MDM4: variants seen among roughly 807,000 people sequenced by gnomAD.
MDM4 encodes the protein protein Mdm4.
MDM4 carries 2 observed loss-of-function variants against 60.2 expected under a neutral mutation model. The observed-to-expected ratio is 0.03, with a 90% CI of 0.01 to 0.10. The LOEUF (loss-of-function observed/expected upper bound fraction) is 0.10. Among genes scored for constraint, MDM4 ranks in the 10% least tolerant of loss-of-function variants. The pLI is 1.00. For synonymous variants in MDM4, 202 were observed against 198.1 expected (o/e 1.02, Z -0.17); for missense variants, 447 against 577.5 (o/e 0.77, Z 2.32).
At chr1:204,533,118 CT>C (rs1490038124) in intron 5 of MDM4, among the ~76,000 whole-genome samples, 1 of 152,160 alleles carries the variant, frequency 6.6e-6, no homozygotes, top group Non-Finnish European at 1.5e-5. Flanking sequence ...TTGTCTAACC[CT>C]TTGCTTGATT....
intron 1 of MDM4, among the ~76,000 whole-genome samples, chr1:204,524,281 C>T (rs554477070): frequency 2.6e-5 from 4 of 152,216 alleles, no homozygotes; most frequent in South Asian, 4.1e-4. Context: ...TTATTAAATC[C>T]TACATCTCAA....
intron 1 of MDM4, among the ~76,000 whole-genome samples, chr1:204,518,434 G>GGATTTGACTTA: frequency 6.6e-6 from 1 of 152,152 alleles, no homozygotes; most frequent in Non-Finnish European, 1.5e-5. Flanking sequence ...GAACACCTAC[G>GGATTTGACTTA]TTCTGGATTT....
chr1:204,530,163 A>C lies in MDM4; in HGVS notation c.154-521A>C, dbSNP rs1158800749. ...AGTGCTGGGATTACAGGTGTGAACC[A>C]CTTCAGCCGACTAAATTTTTATTTG... On this transcript the variant is annotated intron_variant, in intron 3 of 10. Coordinates refer to ENST00000367182, the MANE Select transcript of MDM4 (RefSeq NM_002393.5). Among the ~76,000 whole-genome samples the C allele has an allele frequency of 2.6e-5, 4 of 152,220 alleles. No individual in the cohort carries two copies. The South Asian group carries it at 8.3e-4, about 31-fold the overall frequency.
Position 204,554,655 on chromosome 1 carries a change from T to C in MDM4, c.*4973T>C, listed in dbSNP as rs1010678082. The stretch of plus-strand genomic sequence containing the variant: ...AGATGAGGGGGAATATTGAGGCCCC[T>C]AAGGCTAAACAAAATAATCAGTATC... On this transcript the variant is annotated 3_prime_UTR_variant, in exon 11 of 11. Transcript: ENST00000367182. 4.4e-6 allele frequency: 1 copy of C among 227,538 alleles called. No homozygotes were observed. Among genetic ancestry groups the C allele is most frequent in the African/African-American group, 2.2e-5 (1 of 45,076 alleles). 14.1% of individuals were successfully genotyped at this position (227,538 alleles called of 1,614,324 possible).
At chr1:204,520,094 G>A (rs1386644287) in intron 1 of MDM4, among the ~76,000 whole-genome samples, 3 of 152,018 alleles carry the variant, frequency 2.0e-5, no homozygotes, top group African/African-American at 7.2e-5. Context: ...TGGCTAACAT[G>A]GTGAAACCCC....
chr1:204,519,072 G>C lies in MDM4; in HGVS notation c.-36+2563G>C, dbSNP rs146986941. On this transcript the variant is annotated intron_variant, in intron 1 of 10. Coordinates refer to ENST00000367182, the MANE Select transcript of MDM4 (RefSeq NM_002393.5). ...AGTGCTCCAAATGAAGGGACGATTT[G>C]TGCAAAGGCCCTGTTTGAGAAACTA... 3.1e-3 allele frequency among the ~76,000 whole-genome samples: 475 copies of C among 152,292 alleles called. 3 individuals are homozygous for C. The highest frequency in any genetic ancestry group is 0.011 in the African/African-American group (444 of 41,570).
At chr1:204,546,413 G>C (rs1662667923) in intron 9 of MDM4, among the ~76,000 whole-genome samples, 1 of 151,964 alleles carries the variant, frequency 6.6e-6, no homozygotes, top group South Asian at 2.1e-4. Context: ...CTGTTGCCTA[G>C]GCCAGTTTCA....
intron 1 of MDM4, among the ~76,000 whole-genome samples, chr1:204,518,669 C>T (rs930773854): frequency 2.6e-4 from 39 of 152,266 alleles, no homozygotes; most frequent in African/African-American, 6.7e-4. Context: ...CTTTCCACCC[C>T]AACCTTTCAC....
intron 10 of MDM4, 110 bp downstream of exon 10, chr1:204,546,987 C>A: frequency 1.7e-6 from 1 of 588,556 alleles, no homozygotes. Flanking sequence ...TTCTGTCTCC[C>A]TTGCCTAGTT....
chr1:204,545,398 TGAA>T (rs752935338), intron 9 of MDM4, among the ~76,000 whole-genome samples: 2 of 152,204 alleles, frequency 1.3e-5, no homozygotes, highest in Non-Finnish European at 2.9e-5. Context: ...CATGTACAGA[TGAA>T]GAGTCATACA....
chr1:204,550,687 A>AGT lies in MDM4; in HGVS notation c.*1005_*1006insGT, dbSNP rs1303744439. 6 of 166,636 alleles carry AGT rather than the reference A, an allele frequency of 3.6e-5. No individual in the cohort carries two copies. Among genetic ancestry groups the AGT allele is most frequent in the African/African-American group, 1.4e-4 (5 of 35,308 alleles). 10.3% of individuals were successfully genotyped at this position (166,636 alleles called of 1,614,324 possible). On this transcript the variant is annotated 3_prime_UTR_variant, in exon 11 of 11. Transcript: ENST00000367182. ...GCCTCAGCTTCCCTCACAGGCATTCACTATCACTCCCAGCTAATTAAAATA... is the reference window on the plus strand; with the variant it reads ...GCCTCAGCTTCCCTCACAGGCATTCAGTCTATCACTCCCAGCTAATTAAAATA...
rs142615155 is a variant in MDM4 at position 204,540,042 on chromosome 1, G to T, written c.511+1734G>T. ...CACGCCTGTAATCCCAGCACTTTGG[G>T]AGGCTGAGGTGGGCGGATCACGAGG... is the stretch of plus-strand genomic sequence containing the variant. On this transcript the variant is annotated intron_variant, in intron 7 of 10. Coordinates refer to ENST00000367182, the MANE Select transcript of MDM4 (RefSeq NM_002393.5). 2.9e-3 allele frequency among the ~76,000 whole-genome samples: 448 copies of T among 152,194 alleles called. 3 individuals are homozygous for T. Among genetic ancestry groups the T allele is most frequent in the African/African-American group, 0.01 (426 of 41,542 alleles).
At position 204,550,129 on chromosome 1, in the gene MDM4, A is replaced by ATTT; in HGVS notation, c.*447_*448insTTT. The ATTT allele has an allele frequency of 5.2e-6, 1 of 192,740 alleles. No homozygotes were observed. Among genetic ancestry groups the ATTT allele is most frequent in the Non-Finnish European group, 1.0e-5 (1 of 98,400 alleles). 11.9% of individuals were successfully genotyped at this position (192,740 alleles called of 1,614,324 possible). On this transcript the variant is annotated 3_prime_UTR_variant, in exon 11 of 11. Coordinates refer to ENST00000367182, the MANE Select transcript of MDM4 (RefSeq NM_002393.5). ...TCAGCTATTTCATGGCTCTCACCCT[A>ATTT]GTTTTTTTTTTTTTTGCACTTTTTT...
intron 7 of MDM4, among the ~76,000 whole-genome samples, chr1:204,542,422 A>G (rs1432449406): frequency 6.6e-6 from 1 of 152,214 alleles, no homozygotes; most frequent in Non-Finnish European, 1.5e-5. Flanking sequence ...TAGTTTATAC[A>G]TGGTAGGAGT....
rs562260232 is a variant in MDM4 at position 204,553,713 on chromosome 1, C to A, written c.*4031C>A. The stretch of plus-strand genomic sequence containing the variant: ...AGAACAACGATGAATTTCAGTATTA[C>A]GGCTAAAAAGTTCTTCTGTCTGAAT... On this transcript the variant is annotated 3_prime_UTR_variant, in exon 11 of 11. Transcript: ENST00000367182. The A allele has an allele frequency of 4.4e-6, 1 of 226,038 alleles. No individual in the cohort carries two copies. The highest frequency in any genetic ancestry group is 8.8e-6 in the Non-Finnish European group (1 of 113,636). 14.0% of individuals were successfully genotyped at this position (226,038 alleles called of 1,614,324 possible).
rs752502922 is a variant in MDM4 at position 204,530,664 on chromosome 1, T to G, written c.154-20T>G. The G allele has an allele frequency of 5.0e-6, 8 of 1,614,102 alleles. No individual in the cohort carries two copies. The South Asian group carries it at 7.7e-5, about 16-fold the overall frequency. On this transcript the variant is annotated intron_variant, in intron 3 of 10. Transcript: ENST00000367182. ...GGTAGCAGCTGGACAGATCACAACATGGTATTTTATTCCATGCAGGTCATG... is the reference window on the plus strand; with the variant it reads ...GGTAGCAGCTGGACAGATCACAACAGGGTATTTTATTCCATGCAGGTCATG...
chr1:204,549,848 T>A lies in MDM4; in HGVS notation c.*166T>A. The A allele has an allele frequency of 1.9e-6, 1 of 518,350 alleles. No individual in the cohort carries two copies. The highest frequency in any genetic ancestry group is 3.3e-6 in the Non-Finnish European group (1 of 299,378). 32.1% of individuals were successfully genotyped at this position (518,350 alleles called of 1,614,324 possible). A position where few individuals can be genotyped will look rare whatever the true frequency, so the allele number is the denominator to read the frequency against. ...TGGAGCTAACAATGAAGAACAGAAG[T>A]AATCTGATTAGTCAAATTATTAAGT... On this transcript the variant is annotated 3_prime_UTR_variant, in exon 11 of 11. Transcript: ENST00000367182.
chr1:204,537,574 A>G (rs1013733981), intron 6 of MDM4, 77 bp downstream of exon 6: 7 of 1,016,852 alleles, frequency 6.9e-6, no homozygotes, highest in African/African-American at 6.4e-5. Context: ...TGGACTCCCA[A>G]GACCTTTCCC....
At chr1:204,539,220 A>C (rs1661761500) in intron 7 of MDM4, among the ~76,000 whole-genome samples, 1 of 152,142 alleles carries the variant, frequency 6.6e-6, no homozygotes, top group Non-Finnish European at 1.5e-5. Flanking sequence ...TACTGGCCTC[A>C]AATGGTCTAC....
Sources: allele counts gnomAD v4.1 joint callset (sites outside exome capture counted in the v4.1 genomes callset), GRCh38; gene constraint gnomAD v4.1.1; transcripts MANE v1.5; gene names NCBI Gene and HGNC (gene_info 2026-07-23, HGNC 2026-07-21).